The following NR6A1 variants were observed in gnomAD, a reference collection of about 807,000 sequenced individuals.
NR6A1 encodes nuclear receptor subfamily 6 group A member 1.
A neutral mutation model predicts 59.1 loss-of-function variants in NR6A1; 7 were observed. The observed-to-expected ratio is 0.12, with a 90% CI of 0.07 to 0.22. The LOEUF is 0.22. NR6A1 is among the 10% of genes least tolerant of loss of function. The pLI, the probability that NR6A1 is intolerant of heterozygous loss-of-function variation, is 1.00. For missense variants in NR6A1, 468 were observed against 611.6 expected, an observed-to-expected ratio of 0.77 and a Z score of 2.48; for synonymous variants, 243 against 236.1, an observed-to-expected ratio of 1.03 and a Z score of -0.27.
intron 2 of NR6A1, among the ~76,000 whole-genome samples, chr9:124,560,383 C>T (rs1341926390): frequency 2.0e-5 from 3 of 152,080 alleles, no homozygotes; most frequent in Non-Finnish European, 4.4e-5. Flanking sequence ...GTCCTGCCAC[C>T]TAGTATATTA....
chr9:124,647,818 TA>T, intron 2 of NR6A1, among the ~76,000 whole-genome samples: 1 of 146,142 alleles, frequency 6.8e-6, no homozygotes, highest in Non-Finnish European at 1.5e-5. Context: ...GAGGCAGTAA[TA>T]AAAAGTTTCC....
intron 2 of NR6A1, among the ~76,000 whole-genome samples, chr9:124,605,831 CACAA>C (rs1189960160): frequency 2.0e-5 from 3 of 152,198 alleles, no homozygotes; most frequent in Non-Finnish European, 4.4e-5. Flanking sequence ...AATTAAAGCA[CACAA>C]ACAAATCTTG....
chr9:124,521,664 T>C lies in NR6A1; in HGVS notation c.*1041A>G, dbSNP rs964647635. The stretch of plus-strand genomic sequence containing the variant: ...ACAGATTTCAAAAGGGGAGTGTCTA[T>C]TCTTTTTGCAGTCTGGCCTTGCCCT... On this transcript the variant is annotated 3_prime_UTR_variant, in exon 10 of 10. Transcript: ENST00000487099. The C allele has an allele frequency of 6.6e-6, 1 of 152,228 alleles. No individual in the cohort carries two copies. The highest frequency in any genetic ancestry group is 1.5e-5 in the Non-Finnish European group (1 of 68,066). 9.4% of individuals were successfully genotyped at this position (152,228 alleles called of 1,614,324 possible). A position where few individuals can be genotyped will look rare whatever the true frequency, so the allele number is the denominator to read the frequency against.
chr9:124,753,330 T>C (rs1046352469), intron 1 of NR6A1, among the ~76,000 whole-genome samples: 26 of 152,246 alleles, frequency 1.7e-4, no homozygotes, highest in African/African-American at 6.0e-4. Flanking sequence ...CATTAAATTT[T>C]TTTCATTGTT....
chr9:124,623,458 C>T (rs2130864860), intron 2 of NR6A1, among the ~76,000 whole-genome samples: 1 of 151,974 alleles, frequency 6.6e-6, no homozygotes, highest in South Asian at 2.1e-4. Flanking sequence ...ACCTCGCGGG[C>T]TCAAGATCCT....
chr9:124,635,810 T>A (rs1003483739), intron 2 of NR6A1, among the ~76,000 whole-genome samples: 1 of 152,256 alleles, frequency 6.6e-6, no homozygotes, highest in African/African-American at 2.4e-5. Context: ...CAATTATGAA[T>A]AAAGCTGCTA....
intron 2 of NR6A1, among the ~76,000 whole-genome samples, chr9:124,608,736 T>C (rs1188264616): frequency 6.6e-6 from 1 of 152,204 alleles, no homozygotes; most frequent in Non-Finnish European, 1.5e-5. Flanking sequence ...TCCACAACGG[T>C]TGAACTAACT....
At chr9:124,709,578 T>C (rs922586073) in intron 2 of NR6A1, among the ~76,000 whole-genome samples, 2 of 151,978 alleles carry the variant, frequency 1.3e-5, no homozygotes, top group African/African-American at 4.8e-5. Flanking sequence ...GGAAAAGAAA[T>C]CCTGGCCTTG....
intron 2 of NR6A1, among the ~76,000 whole-genome samples, chr9:124,649,233 C>CAAAAAAAAAAAAAAAA (rs78432505): frequency 4.8e-5 from 2 of 41,444 alleles, no homozygotes; most frequent in African/African-American, 9.2e-5. Context: ...GGTACTGGCA[C>CAAAAAAAAAAAAAAAA]AAAAAAAAAA....
At chr9:124,649,728 A>T (rs1837043606) in intron 2 of NR6A1, among the ~76,000 whole-genome samples, 1 of 152,172 alleles carries the variant, frequency 6.6e-6, no homozygotes, top group Non-Finnish European at 1.5e-5. Context: ...TGAATAACTA[A>T]ATATACACGG....
chr9:124,607,363 G>C (rs1835604258), intron 2 of NR6A1: 1 of 152,144 alleles, frequency 6.6e-6, no homozygotes, highest in African/African-American at 2.4e-5. Context: ...GTCAGAAATG[G>C]AGCAGGTCAA....
intron 1 of NR6A1, among the ~76,000 whole-genome samples, chr9:124,760,995 T>TG (rs1216206264): frequency 6.6e-6 from 1 of 152,148 alleles, no homozygotes; most frequent in Non-Finnish European, 1.5e-5. Context: ...AAAGGCATCT[T>TG]GGGGGAAGGA....
At chr9:124,718,876 G>A (rs373452834) in intron 2 of NR6A1, among the ~76,000 whole-genome samples, 11 of 140,844 alleles carry the variant, frequency 7.8e-5, no homozygotes, top group African/African-American at 2.1e-4. Context: ...GTACAGTGGC[G>A]CGATCTTGGC....
intron 2 of NR6A1, among the ~76,000 whole-genome samples, chr9:124,609,980 T>C (rs527479984): frequency 5.3e-5 from 8 of 152,364 alleles, no homozygotes; most frequent in African/African-American, 1.9e-4. Context: ...ACTGCTGAAG[T>C]TGCTTATCAG....
At chr9:124,662,079 A>G (rs1190160639) in intron 2 of NR6A1, among the ~76,000 whole-genome samples, 1 of 152,176 alleles carries the variant, frequency 6.6e-6, no homozygotes, top group Non-Finnish European at 1.5e-5. Flanking sequence ...AAAAAAAAAA[A>G]AAGCATTTGA....
chr9:124,674,376 A>G (rs2130975908), intron 2 of NR6A1, among the ~76,000 whole-genome samples: 1 of 152,296 alleles, frequency 6.6e-6, no homozygotes, highest in East Asian at 1.9e-4. Flanking sequence ...ATGAAGCTGG[A>G]TTTCCTGAGT....
At chr9:124,593,462 T>C (rs1416468233) in intron 2 of NR6A1, among the ~76,000 whole-genome samples, 1 of 152,082 alleles carries the variant, frequency 6.6e-6, no homozygotes, top group East Asian at 1.9e-4. Context: ...AGAAAAAAGA[T>C]TACTTACTCA....
At chr9:124,643,648 C>G (rs115526967) in intron 2 of NR6A1, among the ~76,000 whole-genome samples, 1 of 147,290 alleles carries the variant, frequency 6.8e-6, no homozygotes, top group African/African-American at 2.5e-5. Context: ...CTGTTAAGTT[C>G]TAGCTACTTA....
chr9:124,739,049 G>A (rs1840100140), intron 1 of NR6A1, among the ~76,000 whole-genome samples: 1 of 150,252 alleles, frequency 6.7e-6, no homozygotes, highest in African/African-American at 2.5e-5. Context: ...GCTAATTTTG[G>A]TGGTGGCAGG....
Sources: gnomAD v4.1 joint callset for allele counts (sites outside exome capture counted in the v4.1 genomes callset) on GRCh38, gnomAD v4.1.1 for gene constraint, MANE v1.5 for transcripts, NCBI Gene and HGNC (gene_info 2026-07-23, HGNC 2026-07-21) for gene names.